Variants in MAGI1 observed in about 807,000 individuals in gnomAD.
MAGI1 encodes membrane-associated guanylate kinase, WW and PDZ domain-containing protein 1.
In MAGI1, 58 loss-of-function variants were observed where a neutral mutation model predicts 139.9. The observed-to-expected ratio is 0.41, with a 90% confidence interval of 0.34 to 0.52. MAGI1 has a LOEUF of 0.52. Ranked by LOEUF, MAGI1 falls within the 20% of genes least tolerant of loss-of-function variation. The probability of loss-of-function intolerance (pLI) is 0.12; values close to 1 mark genes in which losing one functional copy is unlikely to be tolerated. For synonymous variants in MAGI1, 812 were observed against 737.9 expected, an observed-to-expected ratio of 1.10 and a Z score of -1.63; for missense variants, 1,874 against 1,901.6, an observed-to-expected ratio of 0.99 and a Z score of 0.27.
At chr3:65,479,987 A>G (rs1464394493) in intron 3 of MAGI1, among the ~76,000 whole-genome samples, 1 of 152,170 alleles carries the variant, frequency 6.6e-6, no homozygotes, top group Non-Finnish European at 1.5e-5. Flanking sequence ...AAGACAGGAA[A>G]TGATTCTGAG....
chr3:65,954,322 G>GA (rs1388673749), intron 1 of MAGI1: 1 of 152,482 alleles, frequency 6.6e-6, no homozygotes, highest in Non-Finnish European at 1.5e-5. Context: ...TATTTTGTGG[G>GA]AAAGAAAGCC....
At chr3:65,981,264 T>C (rs899916487) in intron 1 of MAGI1, among the ~76,000 whole-genome samples, 14 of 152,194 alleles carry the variant, frequency 9.2e-5, no homozygotes, top group Non-Finnish European at 1.6e-4. Context: ...CTATATTGGA[T>C]AGCTCCACTG....
At chr3:65,785,377 A>G (rs1192959833) in intron 1 of MAGI1, among the ~76,000 whole-genome samples, 1 of 152,348 alleles carries the variant, frequency 6.6e-6, no homozygotes, top group East Asian at 1.9e-4. Flanking sequence ...TATGTTTCAT[A>G]CAACACATTA....
chr3:65,363,073 A>C (rs1941050233), intron 21 of MAGI1, among the ~76,000 whole-genome samples: 1 of 152,172 alleles, frequency 6.6e-6, no homozygotes, highest in Non-Finnish European at 1.5e-5. Flanking sequence ...ACTGCCCAGA[A>C]TCTACAGGGC....
rs9825013 is a variant in MAGI1, at chr3:65,636,640, G to A, written c.314-14552C>T. Among the ~76,000 whole-genome samples the A allele has an allele frequency of 3.3e-5, 5 of 151,916 alleles. No individual in the cohort carries two copies. The East Asian group carries it at 9.7e-4, about 29-fold the overall frequency. ...TGATCATTTTTTTCTTGACTAAAGA[G>A]CAAACGGGCAACCCAAAGTTCTACA... On this transcript the variant is annotated intron_variant, in intron 1 of 22. Coordinates refer to ENST00000402939, the MANE Select transcript of MAGI1 (RefSeq NM_001033057.2).
chr3:65,942,124 T>C (rs922952487), intron 1 of MAGI1, among the ~76,000 whole-genome samples: 1 of 152,088 alleles, frequency 6.6e-6, no homozygotes, highest in African/African-American at 2.4e-5. Context: ...CTTCCTGACC[T>C]GTGACCAGGA....
chr3:65,919,607 CA>C (rs2062073688), intron 1 of MAGI1, among the ~76,000 whole-genome samples: 1 of 151,616 alleles, frequency 6.6e-6, no homozygotes, highest in Non-Finnish European at 1.5e-5. Context: ...AAGAAACAAA[CA>C]AAAAATGCTT....
chr3:65,361,026 G>A lies in MAGI1; in HGVS notation c.3634+173C>T, dbSNP rs1940802998. 7.2e-5 allele frequency: 107 copies of A among 1,489,484 alleles called. 2 individuals carry two copies. In the South Asian group the frequency reaches 1.3e-3, roughly 19 times the overall value. 92.3% of individuals were successfully genotyped at this position (1,489,484 alleles called of 1,614,324 possible). ...CCCAGTCCACGTAAGCAAGCAAAAG[G>A]ATGAAATGTGTAGAGATTTCAGAAC... On this transcript the variant is annotated intron_variant, in intron 22 of 22. Coordinates refer to ENST00000402939, the MANE Select transcript of MAGI1 (RefSeq NM_001033057.2).
At chr3:65,791,065 A>G (rs1329504527) in intron 1 of MAGI1, among the ~76,000 whole-genome samples, 2 of 151,764 alleles carry the variant, frequency 1.3e-5, no homozygotes, top group Non-Finnish European at 2.9e-5. Context: ...ACAAAGCAAG[A>G]CTCCTCAAAA....
chr3:65,648,867 T>C (rs868665019), intron 1 of MAGI1, among the ~76,000 whole-genome samples: 1 of 152,160 alleles, frequency 6.6e-6, no homozygotes, highest in South Asian at 2.1e-4. Context: ...CACAGATTAA[T>C]GGGTCAGAAT....
chr3:65,437,010 A>G (rs917532659), intron 10 of MAGI1, 145 bp downstream of exon 10: 1 of 481,038 alleles, frequency 2.1e-6, no homozygotes, highest in Non-Finnish European at 3.7e-6. Flanking sequence ...GTCTAACAAT[A>G]CATTTATCAT....
chr3:65,807,011 A>C (rs1454950278), intron 1 of MAGI1, among the ~76,000 whole-genome samples: 1 of 152,228 alleles, frequency 6.6e-6, no homozygotes, highest in Non-Finnish European at 1.5e-5. Flanking sequence ...TACTCTACTC[A>C]GATGCTATGC....
intron 1 of MAGI1, among the ~76,000 whole-genome samples, chr3:65,954,935 A>G (rs2064040286): frequency 6.6e-6 from 1 of 152,220 alleles, no homozygotes; most frequent in Admixed American, 6.5e-5. Context: ...CAAAAGAGGT[A>G]CAACTGTTAC....
At chr3:65,663,309 T>C (rs1173182365) in intron 1 of MAGI1, among the ~76,000 whole-genome samples, 2 of 152,168 alleles carry the variant, frequency 1.3e-5, no homozygotes, top group Non-Finnish European at 2.9e-5. Flanking sequence ...CATTGGTCAA[T>C]TGCTACAAAA....
intron 2 of MAGI1, among the ~76,000 whole-genome samples, chr3:65,556,150 T>C (rs1428958194): frequency 1.3e-5 from 2 of 152,118 alleles, no homozygotes; most frequent in African/African-American, 4.8e-5. Flanking sequence ...ACCTTAACAC[T>C]TCAAAACATA....
intron 1 of MAGI1, among the ~76,000 whole-genome samples, chr3:65,762,450 A>G (rs2037112832): frequency 2.0e-5 from 3 of 152,070 alleles, no homozygotes; most frequent in Admixed American, 6.6e-5. Flanking sequence ...AAAGAATGGG[A>G]AGGCGGAAAA....
At chr3:65,726,589 ATC>A (rs2033633079) in intron 1 of MAGI1, among the ~76,000 whole-genome samples, 1 of 152,164 alleles carries the variant, frequency 6.6e-6, no homozygotes, top group Non-Finnish European at 1.5e-5. Flanking sequence ...CATTGGTGAT[ATC>A]TCAAAAATGG....
intron 1 of MAGI1, among the ~76,000 whole-genome samples, chr3:65,638,597 A>AATT (rs2084785344): frequency 2.4e-5 from 1 of 40,998 alleles, no homozygotes; most frequent in East Asian, 9.2e-4. Flanking sequence ...TGCTCTCCTG[A>AATT]TTTTTTTTTT....
intron 1 of MAGI1, among the ~76,000 whole-genome samples, chr3:65,701,537 G>A (rs551277131): frequency 1.3e-5 from 2 of 151,920 alleles, no homozygotes; most frequent in Admixed American, 6.6e-5. Context: ...ACAGCCGTGA[G>A]TCACCGCGCC....
Sources: gnomAD v4.1 joint callset for allele counts (sites outside exome capture counted in the v4.1 genomes callset) on GRCh38, gnomAD v4.1.1 for gene constraint, MANE v1.5 for transcripts, NCBI Gene and HGNC (gene_info 2026-07-23, HGNC 2026-07-21) for gene names.